Variants in OTOP1 observed in about 807,000 individuals in gnomAD.
The protein encoded by OTOP1 is proton channel OTOP1.
OTOP1 carries 59 observed loss-of-function variants against 52.9 expected under a neutral mutation model. The observed-to-expected ratio is 1.12, with a 90% CI of 0.91 to 1.39. The LOEUF is 1.39. OTOP1 is among the 40% of genes most tolerant of loss of function. The pLI, the probability that OTOP1 is intolerant of heterozygous loss-of-function variation, is 0.00. For synonymous variants in OTOP1, 317 were observed against 337.7 expected (o/e 0.94, Z 0.67); for missense variants, 761 against 800.9 (o/e 0.95, Z 0.60).
chr4:4,219,999 ATACATATATATG>A (rs1717253862), intron 1 of OTOP1, among the ~76,000 whole-genome samples: 1 of 55,004 alleles, frequency 1.8e-5, no homozygotes, highest in Non-Finnish European at 3.4e-5. Context: ...ATAGGTGTAT[ATACATATATATG>A]TATATACATG....
At chr4:4,199,692 C>T (rs1451902160) in intron 4 of OTOP1, among the ~76,000 whole-genome samples, 1 of 152,176 alleles carries the variant, frequency 6.6e-6, no homozygotes, top group South Asian at 2.1e-4. Context: ...GGATTAAAAG[C>T]ATGAGCCACC....
chr4:4,220,103 ATATTT>A (rs1362517189), intron 1 of OTOP1, among the ~76,000 whole-genome samples: 4 of 53,592 alleles, frequency 7.5e-5, no homozygotes, highest in South Asian at 1.4e-3. Flanking sequence ...ATATATATAT[ATATTT>A]TTTTTTTTTT....
At chr4:4,209,048 G>A (rs1716970676) in intron 2 of OTOP1, among the ~76,000 whole-genome samples, 1 of 152,182 alleles carries the variant, frequency 6.6e-6, no homozygotes, top group Non-Finnish European at 1.5e-5. Context: ...ACTTCCAAGA[G>A]CATCTTACCT....
At chr4:4,195,637 GC>G (rs1716607509) in intron 5 of OTOP1, among the ~76,000 whole-genome samples, 1 of 152,190 alleles carries the variant, frequency 6.6e-6, no homozygotes, top group South Asian at 2.1e-4. Flanking sequence ...CAGCTGCCAG[GC>G]CAACCCCAAG....
chr4:4,197,028 G>A, intron 5 of OTOP1, 138 bp downstream of exon 5: 1 of 938,838 alleles, frequency 1.1e-6, no homozygotes, highest in Non-Finnish European at 1.6e-6. Context: ...TCATTACCTG[G>A]GTGATGGGAT....
At chr4:4,210,181 A>G (rs1485237239) in intron 2 of OTOP1, among the ~76,000 whole-genome samples, 4 of 152,150 alleles carry the variant, frequency 2.6e-5, no homozygotes, top group Admixed American at 2.6e-4. Flanking sequence ...TCCAGTATTT[A>G]AAGATGAACT....
chr4:4,210,611 G>A (rs1164669207), intron 2 of OTOP1, among the ~76,000 whole-genome samples: 1 of 152,108 alleles, frequency 6.6e-6, no homozygotes, highest in African/African-American at 2.4e-5. Flanking sequence ...CAGGTGGATT[G>A]CCTGAGGTCA....
chr4:4,204,618 C>T (rs1308924655), intron 3 of OTOP1, among the ~76,000 whole-genome samples: 1 of 152,170 alleles, frequency 6.6e-6, no homozygotes, highest in Non-Finnish European at 1.5e-5. Context: ...TCATGCCAGG[C>T]TGCCTTTCTC....
chr4:4,212,071 A>C (rs1441606222), intron 2 of OTOP1, among the ~76,000 whole-genome samples: 2 of 152,232 alleles, frequency 1.3e-5, no homozygotes, highest in African/African-American at 2.4e-5. Context: ...GGAATATCAA[A>C]GAATCATGTT....
rs138287965 is a variant in OTOP1, at chr4:4,216,309, G to A, written c.404-3305C>T. On this transcript the variant is annotated intron_variant, in intron 1 of 5. Coordinates refer to ENST00000296358, the MANE Select transcript of OTOP1 (RefSeq NM_177998.3). ...AAAATACATTAAAAAGACACTTGGT[G>A]ACAAATGAAGAAATTAGTGAGAAAA... Among the ~76,000 whole-genome samples the A allele has an allele frequency of 3.8e-3, 573 of 152,336 alleles. 20 individuals carry two copies. In the East Asian group the frequency reaches 0.044, roughly 12 times the overall value.
chr4:4,193,229 C>T (rs1272854113), intron 5 of OTOP1, among the ~76,000 whole-genome samples: 1 of 152,044 alleles, frequency 6.6e-6, no homozygotes, highest in Non-Finnish European at 1.5e-5. Context: ...TGCCTTGCAT[C>T]CATCCCTTCC....
At chr4:4,196,816 A>T (rs944540576) in intron 5 of OTOP1, among the ~76,000 whole-genome samples, 4 of 152,212 alleles carry the variant, frequency 2.6e-5, no homozygotes, top group African/African-American at 9.7e-5. Flanking sequence ...ATTTGCAGCA[A>T]CCTGGATAGA....
At chr4:4,193,823 G>T (rs1226767599) in intron 5 of OTOP1, among the ~76,000 whole-genome samples, 2 of 152,162 alleles carry the variant, frequency 1.3e-5, no homozygotes, top group Non-Finnish European at 2.9e-5. Flanking sequence ...AAAAATTCAA[G>T]CCAAGTATTT....
intron 5 of OTOP1, among the ~76,000 whole-genome samples, chr4:4,190,746 AC>A (rs1363612364): frequency 6.6e-6 from 1 of 151,856 alleles, no homozygotes; most frequent in Non-Finnish European, 1.5e-5. Context: ...TGGAACCAAG[AC>A]CCCTCTCTTT....
chr4:4,218,890 C>T (rs77948496), intron 1 of OTOP1, among the ~76,000 whole-genome samples: 73,985 of 151,522 alleles, frequency 0.49, 19,909 homozygotes, highest in Non-Finnish European at 0.62. Context: ...GATCATGCCA[C>T]TGCACTCCAG....
intron 4 of OTOP1, among the ~76,000 whole-genome samples, chr4:4,199,220 T>TTG (rs151144007): frequency 0.013 from 682 of 54,128 alleles, 107 homozygotes; most frequent in African/African-American, 0.051. Flanking sequence ...TCAGGTAAAA[T>TTG]TGTGTGTGTG....
In OTOP1 at chr4:4,209,398, G is replaced by C. The variant is rs567270890; in HGVS notation, c.541-3268C>G. On this transcript the variant is annotated intron_variant, in intron 2 of 5. Transcript: ENST00000296358. ...AAAAGCACATGGTAAGTGTCCAACA[G>C]GTATAGAATGATTAATTCATTGACT... Among the ~76,000 whole-genome samples the C allele has an allele frequency of 2.3e-3, 343 of 152,202 alleles. 1 individual carries two copies. Among genetic ancestry groups the C allele is most frequent in the African/African-American group, 7.9e-3 (329 of 41,530 alleles).
intron 5 of OTOP1, among the ~76,000 whole-genome samples, chr4:4,189,334 G>T (rs1003929154): frequency 5.3e-5 from 8 of 152,346 alleles, no homozygotes; most frequent in Non-Finnish European, 1.2e-4. Context: ...AATTAAGTTT[G>T]CAAAACTGAA....
chr4:4,208,280 C>T (rs1181380043), intron 2 of OTOP1, among the ~76,000 whole-genome samples: 2 of 152,176 alleles, frequency 1.3e-5, no homozygotes, highest in Non-Finnish European at 2.9e-5. Context: ...TTTTTAAAAT[C>T]TTTAAAATCT....
Sources: gnomAD v4.1 joint callset for allele counts (sites outside exome capture counted in the v4.1 genomes callset) on GRCh38, gnomAD v4.1.1 for gene constraint, MANE v1.5 for transcripts, NCBI Gene and HGNC (gene_info 2026-07-23, HGNC 2026-07-21) for gene names.